EYA1: variants seen among roughly 807,000 people sequenced by gnomAD.
The protein encoded by EYA1 is protein phosphatase EYA1.
EYA1 carries 16 observed loss-of-function variants against 82.0 expected under a neutral mutation model. That is an observed-to-expected ratio of 0.20 (90% CI 0.13 to 0.30). EYA1 has a LOEUF of 0.30. Among genes scored for constraint, EYA1 ranks in the 10% least tolerant of loss-of-function variants. EYA1 has a pLI of 1.00. For missense variants in EYA1, 633 were observed against 730.7 expected (o/e 0.87, Z 1.54); for synonymous variants, 261 against 264.4 (o/e 0.99, Z 0.12).
intron 2 of EYA1, among the ~76,000 whole-genome samples, chr8:71,453,458 C>T (rs1035867116): frequency 5.3e-5 from 8 of 152,114 alleles, no homozygotes; most frequent in African/African-American, 1.4e-4. Context: ...AACTCCAATA[C>T]ACATAATTGT....
At chr8:71,433,400 T>A (rs994994813) in intron 2 of EYA1, among the ~76,000 whole-genome samples, 2 of 152,182 alleles carry the variant, frequency 1.3e-5, no homozygotes, top group South Asian at 4.1e-4. Context: ...GATTTTAAAT[T>A]AAACAGACAT....
rs757399419 is a variant in EYA1 at position 71,321,791 on chromosome 8, C to G, written c.361G>C (p.Ala121Pro). The G allele has an allele frequency of 6.2e-7, 1 of 1,614,224 alleles. No homozygotes were observed. The highest frequency in any genetic ancestry group is 2.2e-5 in the East Asian group (1 of 44,884). The change falls in exon 6 of 18, where the codon GCT (alanine) becomes CCT (proline). Residue 121 changes from alanine to proline, a missense_variant. By Grantham distance (27) the Ala-to-Pro change is conservative. Transcript: ENST00000340726. ...TGTGGGTACGTGGCATAGGCTGTAG[C>G]TTGTTGCATTCCTGTGGTAAACTGT... Reference protein sequence around the residue: ...QTQFTTGMQQATAYATYPQPG... With the variant: ...QTQFTTGMQQPTAYATYPQPG...
At position 71,272,041 on chromosome 8, in the gene EYA1, G is replaced by C; in HGVS notation, c.827-144C>G. 3.5e-6 allele frequency: 3 copies of C among 865,374 alleles called. No individual in the cohort carries two copies. The South Asian group carries it at 4.0e-5, about 12-fold the overall frequency. The allele number at this position is 865,374 out of a possible 1,614,324, so 53.6% of individuals were successfully genotyped here. On this transcript the variant is annotated intron_variant, in intron 9 of 17. Coordinates refer to ENST00000340726, the MANE Select transcript of EYA1 (RefSeq NM_000503.6). ...TCCTACATCGTCTTTTACTTGCGCT[G>C]GTAAATAATTTATAAGATATCTGAT... is the stretch of plus-strand genomic sequence containing the variant.
chr8:71,451,262 A>C (rs1807348610), intron 2 of EYA1, among the ~76,000 whole-genome samples: 1 of 152,246 alleles, frequency 6.6e-6, no homozygotes, highest in South Asian at 2.1e-4. Context: ...TCATCACAGC[A>C]ATAAGTATAG....
Position 71,435,611 on chromosome 8 carries a change from C to T in EYA1, c.34-79100G>A, listed in dbSNP as rs1046313225. Among the ~76,000 whole-genome samples, 4 of 152,148 alleles carry T rather than the reference C, an allele frequency of 2.6e-5. No individual in the cohort carries two copies. In the East Asian group the frequency reaches 5.8e-4, roughly 22 times the overall value. On this transcript the variant is annotated intron_variant, in intron 2 of 18. Transcript: ENST00000643681. ...GTTTATAGACTTTTTTCTACTTTTC[C>T]TTAACCATGTCTATGGTATTTCCCA...
intron 2 of EYA1, among the ~76,000 whole-genome samples, chr8:71,380,957 C>T (rs999396644): frequency 3.3e-5 from 5 of 152,262 alleles, no homozygotes; most frequent in Admixed American, 2.6e-4. Flanking sequence ...GCAGGTCCCA[C>T]TGCCACCAGT....
intron 12 of EYA1, among the ~76,000 whole-genome samples, chr8:71,231,239 A>C (rs912102149): frequency 3.9e-5 from 6 of 152,180 alleles, no homozygotes; most frequent in Non-Finnish European, 7.3e-5. Context: ...GACCCCTTTG[A>C]CTTTACAATA....
In EYA1 at chr8:71,274,135, T is replaced by C. The variant is rs1470931482; in HGVS notation, c.827-2238A>G. Among the ~76,000 whole-genome samples the C allele has an allele frequency of 4.6e-5, 7 of 152,264 alleles. No individual in the cohort carries two copies. In the East Asian group the frequency reaches 7.7e-4, roughly 17 times the overall value. On this transcript the variant is annotated intron_variant, in intron 9 of 17. Transcript: ENST00000340726. ...CAAAGTAGAAAGTGAAAGTTTTAAA[T>C]CATGTTATCTAAAGTTTTTCCAGGT...
At chr8:71,308,724 A>C (rs888842052) in intron 7 of EYA1, among the ~76,000 whole-genome samples, 3 of 151,548 alleles carry the variant, frequency 2.0e-5, no homozygotes, top group Non-Finnish European at 4.4e-5. Flanking sequence ...TTTAAGAAAA[A>C]AAAAAAAGGA....
At position 71,341,254 on chromosome 8, in the gene EYA1, G is replaced by A. The variant is rs146257187; in HGVS notation, c.125-7080C>T. Among the ~76,000 whole-genome samples, 5 of 152,068 alleles carry A rather than the reference G, an allele frequency of 3.3e-5. No individual in the cohort carries two copies. In the South Asian group the frequency reaches 8.3e-4, roughly 25 times the overall value. ...GTATTGCTGCAAATAAGCCTTAAAA[G>A]GACCCTTTATAAAGCAACACAATTA... On this transcript the variant is annotated intron_variant, in intron 3 of 17. Transcript: ENST00000340726.
chr8:71,434,731 A>G (rs1187297521), intron 2 of EYA1, among the ~76,000 whole-genome samples: 1 of 152,192 alleles, frequency 6.6e-6, no homozygotes, highest in African/African-American at 2.4e-5. Context: ...TTAGGGATAG[A>G]TGATTCAAAA....
At chr8:71,199,741 C>T (rs1315372421) in intron 17 of EYA1, among the ~76,000 whole-genome samples, 4 of 152,168 alleles carry the variant, frequency 2.6e-5, no homozygotes, top group Admixed American at 6.5e-5. Context: ...CAGCTGTTCA[C>T]GTATCCAGTG....
chr8:71,342,652 A>G (rs1308733861), intron 3 of EYA1, among the ~76,000 whole-genome samples: 6 of 152,198 alleles, frequency 3.9e-5, no homozygotes, highest in Admixed American at 1.3e-4. Context: ...GTGTATTTTA[A>G]TAAACATAAC....
intron 2 of EYA1, among the ~76,000 whole-genome samples, chr8:71,410,671 A>T (rs1317670774): frequency 7.2e-6 from 1 of 138,336 alleles, no homozygotes; most frequent in Non-Finnish European, 1.6e-5. Flanking sequence ...CCAACTTACA[A>T]GGGATGTGAA....
chr8:71,323,903 A>C (rs188971489), intron 4 of EYA1: 1 of 152,062 alleles, frequency 6.6e-6, no homozygotes, highest in Admixed American at 6.5e-5. Context: ...TGCAACTAAA[A>C]CCTCTTCTGC....
chr8:71,441,722 T>C (rs1806448532), intron 2 of EYA1, among the ~76,000 whole-genome samples: 1 of 152,240 alleles, frequency 6.6e-6, no homozygotes. Context: ...GGTATAATAA[T>C]ATAGCTTTTA....
At chr8:71,317,453 C>T (rs752786982) in intron 7 of EYA1, 99 bp downstream of exon 7, 31 of 1,269,498 alleles carry the variant, frequency 2.4e-5, no homozygotes, top group Non-Finnish European at 3.3e-5. Flanking sequence ...AATCCAGTTG[C>T]CATCATCATT....
At chr8:71,364,862 T>C (rs1258141522), upstream of EYA1, among the ~76,000 whole-genome samples, 1 of 150,046 alleles carries the variant, frequency 6.7e-6, no homozygotes, top group Non-Finnish European at 1.5e-5. Flanking sequence ...TGCCTGGTTA[T>C]ATGAAGGAAG....
chr8:71,327,950 G>A (rs752543873), intron 4 of EYA1, among the ~76,000 whole-genome samples: 1 of 150,966 alleles, frequency 6.6e-6, no homozygotes, highest in South Asian at 2.1e-4. Context: ...CCGCCTCCTG[G>A]GTTCAAGCGA....
Sources: gnomAD v4.1 joint callset for allele counts (sites outside exome capture counted in the v4.1 genomes callset) on GRCh38, gnomAD v4.1.1 for gene constraint, MANE v1.5 for transcripts, NCBI Gene and HGNC (gene_info 2026-07-23, HGNC 2026-07-21) for gene names.